Variants in GSE1 observed in about 807,000 individuals in gnomAD.
GSE1 encodes Gse1 coiled-coil protein.
Under a neutral mutation model 112.6 loss-of-function variants are expected in GSE1, and 32 were observed. The ratio of observed to expected loss-of-function variants is 0.28; its 90% CI spans 0.21 to 0.38. GSE1 has a LOEUF of 0.38. Among genes scored for constraint, GSE1 ranks in the 10% least tolerant of loss-of-function variants. The pLI, the probability that GSE1 is intolerant of heterozygous loss-of-function variation, is 1.00. For synonymous variants in GSE1, 1,115 were observed against 735.6 expected, an observed-to-expected ratio of 1.52 and a Z score of -8.35; for missense variants, 2,348 against 1,699.2, an observed-to-expected ratio of 1.38 and a Z score of -6.71.
chr16:85,314,070 A>T (rs2045929930), intron 1 of GSE1, among the ~76,000 whole-genome samples: 1 of 151,092 alleles, frequency 6.6e-6, no homozygotes, highest in African/African-American at 2.4e-5. Context: ...TGTGTATAAG[A>T]CATAGCCATT....
Position 85,663,438 on chromosome 16 carries a change from G to T in GSE1, c.2468G>T (p.Arg823Leu). ...CGGAGGAAGCGGCGGAGGATGCTGC[G>T]AGAGAGAAGCCCGTCGCCCCCAACA... ...QKRRKRRRMLRERSPSPPTIQ... is the reference protein window; with the variant it reads ...QKRRKRRRMLLERSPSPPTIQ... The change falls in exon 11 of 16, where the codon CGA becomes CTA. Residue 823 changes from arginine to leucine, a missense_variant. Transcript: ENST00000253458. The T allele has an allele frequency of 6.2e-7, 1 of 1,613,890 alleles. No homozygotes were observed. Among genetic ancestry groups the T allele is most frequent in the Non-Finnish European group, 8.5e-7 (1 of 1,180,040 alleles).
chr16:85,273,869 T>C (rs1909095978), intron 1 of GSE1, among the ~76,000 whole-genome samples: 1 of 151,316 alleles, frequency 6.6e-6, no homozygotes, highest in African/African-American at 2.4e-5. Context: ...TTGTATTTTT[T>C]TTTTTTTAGT....
At chr16:85,381,074 A>C (rs2047536299) in intron 2 of GSE1, among the ~76,000 whole-genome samples, 1 of 152,194 alleles carries the variant, frequency 6.6e-6, no homozygotes, top group South Asian at 2.1e-4. Flanking sequence ...CCCAAAAGGA[A>C]ATCCCAGACG....
At chr16:85,566,936 C>T (rs922278027) in intron 1 of GSE1, among the ~76,000 whole-genome samples, 2 of 152,170 alleles carry the variant, frequency 1.3e-5, no homozygotes, top group Admixed American at 6.5e-5. Context: ...GGGGCGGTCA[C>T]GTAGGCCTCT....
At chr16:85,375,684 C>T (rs1005617575) in intron 2 of GSE1, among the ~76,000 whole-genome samples, 2 of 152,054 alleles carry the variant, frequency 1.3e-5, no homozygotes, top group African/African-American at 2.4e-5. Flanking sequence ...CAGGCAGCAC[C>T]CAGAGCGCCA....
At chr16:85,652,049 C>A (rs1032271926) in intron 3 of GSE1, among the ~76,000 whole-genome samples, 2 of 152,214 alleles carry the variant, frequency 1.3e-5, no homozygotes, top group Non-Finnish European at 2.9e-5. Context: ...CCTCACGGGG[C>A]TGGGGTAGGC....
intron 1 of GSE1, among the ~76,000 whole-genome samples, chr16:85,625,162 C>T (rs1045399310): frequency 4.6e-5 from 7 of 152,170 alleles, no homozygotes; most frequent in South Asian, 2.1e-4. Flanking sequence ...GCCAGGCTGC[C>T]GCCCGCATCT....
intron 1 of GSE1, among the ~76,000 whole-genome samples, chr16:85,356,088 C>CT (rs1381046908): frequency 9.9e-5 from 15 of 152,180 alleles, no homozygotes; most frequent in Non-Finnish European, 2.2e-4. Context: ...GATGACCCCC[C>CT]TGCAGTGTGG....
intron 2 of GSE1, among the ~76,000 whole-genome samples, chr16:85,550,282 C>T (rs910077586): frequency 6.6e-6 from 1 of 152,192 alleles, no homozygotes; most frequent in African/African-American, 2.4e-5. Flanking sequence ...CTGCCACCCA[C>T]TGGCTGTGTG....
At chr16:85,379,368 G>A (rs940550823) in intron 2 of GSE1, among the ~76,000 whole-genome samples, 5 of 152,294 alleles carry the variant, frequency 3.3e-5, no homozygotes, top group Non-Finnish European at 5.9e-5. Context: ...GCCTGGCCCC[G>A]TGAGGTGGCC....
Position 85,244,551 on chromosome 16 carries a change from C to G in GSE1, c.2283+72744C>G, listed in dbSNP as rs1028995085. 4.6e-5 allele frequency among the ~76,000 whole-genome samples: 7 copies of G among 152,174 alleles called. No individual in the cohort carries two copies. In the East Asian group the frequency reaches 1.2e-3, roughly 25 times the overall value. ...CAACAGCCACAGGAAATGAATGCAA[C>G]TATACGTGAAAAACCAGGCCAGGTG... On this transcript the variant is annotated intron_variant, in intron 1 of 2. Coordinates refer to the GSE1 transcript ENST00000637419.
intron 2 of GSE1, among the ~76,000 whole-genome samples, chr16:85,402,183 G>C (rs995347608): frequency 6.6e-6 from 1 of 152,232 alleles, no homozygotes; most frequent in African/African-American, 2.4e-5. Flanking sequence ...TCTGGGCTGT[G>C]TCCATAGGAA....
At chr16:85,414,146 TG>T (rs1221154505) in intron 2 of GSE1, among the ~76,000 whole-genome samples, 2 of 152,156 alleles carry the variant, frequency 1.3e-5, no homozygotes, top group African/African-American at 4.8e-5. Context: ...CACTCCCCCA[TG>T]GGCCCACGCT....
At chr16:85,391,455 G>A (rs1393455826) in intron 2 of GSE1, among the ~76,000 whole-genome samples, 1 of 152,154 alleles carries the variant, frequency 6.6e-6, no homozygotes, top group African/African-American at 2.4e-5. Flanking sequence ...GGGGTTGGCA[G>A]GGCCACACTC....
intron 1 of GSE1, among the ~76,000 whole-genome samples, chr16:85,265,428 C>T (rs927220681): frequency 6.6e-5 from 10 of 152,180 alleles, no homozygotes; most frequent in African/African-American, 9.7e-5. Flanking sequence ...GCCCCAGACC[C>T]GCGCTAATGC....
intron 2 of GSE1, among the ~76,000 whole-genome samples, chr16:85,436,039 C>A (rs2049239578): frequency 6.6e-6 from 1 of 152,206 alleles, no homozygotes; most frequent in African/African-American, 2.4e-5. Context: ...CCCTGCTGGG[C>A]AGCTTCCAGA....
intron 2 of GSE1, among the ~76,000 whole-genome samples, chr16:85,428,476 C>T (rs542441898): frequency 7.9e-5 from 12 of 152,342 alleles, no homozygotes; most frequent in African/African-American, 1.7e-4. Context: ...TAAAATGGGG[C>T]GATAATCGCC....
At chr16:85,351,540 T>C (rs1043502227) in intron 1 of GSE1, among the ~76,000 whole-genome samples, 3 of 150,650 alleles carry the variant, frequency 2.0e-5, no homozygotes, top group Non-Finnish European at 4.4e-5. Flanking sequence ...GGGCTGCTCA[T>C]AGGGATGGGG....
chr16:85,194,551 C>T (rs2074890965), intron 1 of GSE1, among the ~76,000 whole-genome samples: 1 of 152,140 alleles, frequency 6.6e-6, no homozygotes, highest in African/African-American at 2.4e-5. Flanking sequence ...TGGGAGGTGA[C>T]CGTGGACCCT....
Sources: allele counts gnomAD v4.1 joint callset (sites outside exome capture counted in the v4.1 genomes callset), GRCh38; gene constraint gnomAD v4.1.1; transcripts MANE v1.5; gene names NCBI Gene and HGNC (gene_info 2026-07-23, HGNC 2026-07-21).